SPATS2L: variants seen among roughly 807,000 people sequenced by gnomAD.
SPATS2L encodes SPATS2-like protein.
A neutral mutation model predicts 59.6 loss-of-function variants in SPATS2L; 30 were observed. The ratio of observed to expected loss-of-function variants is 0.50; its 90% CI spans 0.38 to 0.68. The LOEUF is 0.68. Among genes scored for constraint, SPATS2L ranks in the 30% least tolerant of loss-of-function variants. The pLI is 0.00. For missense variants in SPATS2L, 615 were observed against 700.0 expected, an observed-to-expected ratio of 0.88 and a Z score of 1.37; for synonymous variants, 252 against 263.5, an observed-to-expected ratio of 0.96 and a Z score of 0.42.
At chr2:200,402,261 A>G (rs1449168457) in intron 3 of SPATS2L, among the ~76,000 whole-genome samples, 2 of 152,230 alleles carry the variant, frequency 1.3e-5, no homozygotes, top group Admixed American at 6.5e-5. Flanking sequence ...AAGCTCTTCA[A>G]TGGCTTGCCC....
At chr2:200,330,484 T>C (rs1052548601) in intron 2 of SPATS2L, among the ~76,000 whole-genome samples, 4 of 152,360 alleles carry the variant, frequency 2.6e-5, no homozygotes, top group African/African-American at 9.6e-5. Context: ...GCACTTTCAG[T>C]TGTTCAAAGA....
At chr2:200,433,300 G>T (rs1025347657) in intron 6 of SPATS2L, among the ~76,000 whole-genome samples, 1 of 151,976 alleles carries the variant, frequency 6.6e-6, no homozygotes, top group Non-Finnish European at 1.5e-5. Context: ...GAACATAGAC[G>T]ATTTGAACAA....
At chr2:200,407,518 T>G (rs952604913) in intron 3 of SPATS2L, among the ~76,000 whole-genome samples, 3 of 152,210 alleles carry the variant, frequency 2.0e-5, no homozygotes, top group Non-Finnish European at 4.4e-5. Context: ...TAGTTTTTCT[T>G]TGTATCCTCA....
chr2:200,364,581 T>A (rs2081210912), intron 2 of SPATS2L, among the ~76,000 whole-genome samples: 1 of 152,226 alleles, frequency 6.6e-6, no homozygotes, highest in South Asian at 2.1e-4. Flanking sequence ...ATTTATTGAT[T>A]TTATATATCA....
intron 6 of SPATS2L, among the ~76,000 whole-genome samples, chr2:200,438,287 G>T (rs2028201): frequency 0.33 from 50,178 of 151,650 alleles, 8,817 homozygotes; most frequent in South Asian, 0.43. Context: ...GATCAAAACT[G>T]CACTCATCAA....
intron 9 of SPATS2L, among the ~76,000 whole-genome samples, chr2:200,462,056 A>G (rs1171220956): frequency 6.6e-6 from 1 of 152,228 alleles, no homozygotes; most frequent in East Asian, 1.9e-4. Flanking sequence ...ATCTTCAGTA[A>G]CAGTAGATTA....
chr2:200,411,957 G>A (rs2082891527), intron 3 of SPATS2L, among the ~76,000 whole-genome samples: 1 of 152,124 alleles, frequency 6.6e-6, no homozygotes, highest in South Asian at 2.1e-4. Context: ...TGGAAAGGAA[G>A]CCTGAGACAG....
intron 1 of SPATS2L, among the ~76,000 whole-genome samples, chr2:200,312,206 G>T (rs1445987067): frequency 6.6e-6 from 1 of 152,166 alleles, no homozygotes; most frequent in Non-Finnish European, 1.5e-5. Flanking sequence ...CACTTAGAAT[G>T]CTCAGAAAGG....
intron 2 of SPATS2L, among the ~76,000 whole-genome samples, chr2:200,386,937 T>C (rs894442758): frequency 1.3e-5 from 2 of 152,072 alleles, no homozygotes; most frequent in African/African-American, 4.8e-5. Context: ...AATAAGAAAA[T>C]CAGCCATCCA....
chr2:200,413,359 G>T (rs2082950963), intron 4 of SPATS2L, among the ~76,000 whole-genome samples: 1 of 152,144 alleles, frequency 6.6e-6, no homozygotes. Flanking sequence ...TCCATTGCCA[G>T]AGATGTTATA....
At chr2:200,392,873 G>A (rs2082213468) in intron 3 of SPATS2L, among the ~76,000 whole-genome samples, 1 of 152,182 alleles carries the variant, frequency 6.6e-6, no homozygotes, top group South Asian at 2.1e-4. Context: ...CGATTACTTG[G>A]TGGAGAGAAG....
At chr2:200,460,047 G>A (rs1000255233) in intron 9 of SPATS2L, among the ~76,000 whole-genome samples, 1 of 152,190 alleles carries the variant, frequency 6.6e-6, no homozygotes. Flanking sequence ...CCTCGTACAG[G>A]TGAGTACATG....
intron 6 of SPATS2L, among the ~76,000 whole-genome samples, chr2:200,431,251 T>C (rs1262132318): frequency 6.6e-6 from 1 of 152,234 alleles, no homozygotes; most frequent in Non-Finnish European, 1.5e-5. Flanking sequence ...TTAAGAAGTT[T>C]CTTTTCCATT....
upstream of SPATS2L, chr2:200,306,176 G>A (rs879605695): frequency 1.4e-5 from 14 of 999,888 alleles, 1 homozygote; most frequent in Admixed American, 8.0e-4. Flanking sequence ...TTTCGAATGG[G>A]CTATCTTTGC....
chr2:200,406,301 G>GTGA (rs935938738), intron 3 of SPATS2L, among the ~76,000 whole-genome samples: 26 of 151,808 alleles, frequency 1.7e-4, no homozygotes, highest in African/African-American at 6.0e-4. Context: ...TTGCCAATCG[G>GTGA]GATTATTTAG....
At chr2:200,469,706 T>C (rs1000209233) in intron 10 of SPATS2L, 3 of 509,300 alleles carry the variant, frequency 5.9e-6, no homozygotes, top group Non-Finnish European at 1.0e-5. Flanking sequence ...CACAGGCCCC[T>C]CACATATTCC....
intron 2 of SPATS2L, among the ~76,000 whole-genome samples, chr2:200,379,329 C>T (rs1380348996): frequency 6.6e-6 from 1 of 152,192 alleles, no homozygotes; most frequent in Non-Finnish European, 1.5e-5. Context: ...GAAGTACACA[C>T]TGCTTAGGGC....
intron 2 of SPATS2L, among the ~76,000 whole-genome samples, chr2:200,342,249 G>T (rs2080356678): frequency 6.6e-6 from 1 of 152,160 alleles, no homozygotes; most frequent in Admixed American, 6.5e-5. Flanking sequence ...ATAGACCAGT[G>T]GAAGAGAGGT....
At chr2:200,461,280 A>G (rs1574667519) in intron 9 of SPATS2L, 1 of 152,336 alleles carries the variant, frequency 6.6e-6, no homozygotes, top group African/African-American at 2.4e-5. Flanking sequence ...GAACACGCTC[A>G]AATTATCTTG....
Sources: gnomAD v4.1 joint callset for allele counts (sites outside exome capture counted in the v4.1 genomes callset) on GRCh38, gnomAD v4.1.1 for gene constraint, MANE v1.5 for transcripts, NCBI Gene and HGNC (gene_info 2026-07-23, HGNC 2026-07-21) for gene names.